AFF1: variants seen among roughly 807,000 people sequenced by gnomAD.
AFF1 encodes ALF transcription elongation factor 1, also known as AF4/FMR2 family member 1.
In AFF1, 48 loss-of-function variants were observed where a neutral mutation model predicts 121.7. The observed-to-expected ratio is 0.39, with a 90% CI of 0.31 to 0.50. The LOEUF is 0.50. Among genes scored for constraint, AFF1 ranks in the 20% least tolerant of loss-of-function variants. The pLI, the probability that AFF1 is intolerant of heterozygous loss-of-function variation, is 0.76. For synonymous variants in AFF1, 613 were observed against 563.0 expected, an observed-to-expected ratio of 1.09 and a Z score of -1.26; for missense variants, 1,523 against 1,511.7, an observed-to-expected ratio of 1.01 and a Z score of -0.12.
At chr4:86,944,544 C>T (rs1052140647) in intron 1 of AFF1, among the ~76,000 whole-genome samples, 1 of 152,130 alleles carries the variant, frequency 6.6e-6, no homozygotes, top group Non-Finnish European at 1.5e-5. Context: ...TGGGGTTTCA[C>T]CATGTTAACC....
At chr4:87,014,900 C>A (rs750832257) in intron 2 of AFF1, among the ~76,000 whole-genome samples, 5 of 152,152 alleles carry the variant, frequency 3.3e-5, no homozygotes, top group African/African-American at 1.2e-4. Flanking sequence ...AACTATGAAA[C>A]CTGTTTCCTC....
intron 2 of AFF1, among the ~76,000 whole-genome samples, chr4:86,989,814 G>A (rs1043526283): frequency 3.3e-5 from 5 of 152,060 alleles, no homozygotes; most frequent in South Asian, 2.1e-4. Flanking sequence ...AAGAAAATAC[G>A]GCACGTATAT....
At chr4:86,950,462 G>A in intron 2 of AFF1, among the ~76,000 whole-genome samples, 1 of 152,208 alleles carries the variant, frequency 6.6e-6, no homozygotes, top group East Asian at 1.9e-4. Flanking sequence ...GAGCCGCTGT[G>A]CCCAGCCATA....
At chr4:87,088,065 A>G (rs1011985714) in intron 5 of AFF1, among the ~76,000 whole-genome samples, 3 of 152,260 alleles carry the variant, frequency 2.0e-5, no homozygotes, top group Non-Finnish European at 4.4e-5. Context: ...GTACTCTTAC[A>G]ATACTTTGAA....
chr4:86,973,705 G>A (rs1003539262), intron 2 of AFF1: 1 of 151,886 alleles, frequency 6.6e-6, no homozygotes. Flanking sequence ...CAGAGTTAAC[G>A]TTTTCTTTCT....
intron 12 of AFF1, among the ~76,000 whole-genome samples, chr4:87,118,388 A>G (rs920157308): frequency 6.6e-6 from 1 of 152,256 alleles, no homozygotes; most frequent in African/African-American, 2.4e-5. Context: ...GTAAATACGC[A>G]TGACCTCACG....
intron 4 of AFF1, among the ~76,000 whole-genome samples, chr4:87,063,001 A>G (rs1235387148): frequency 1.3e-5 from 2 of 152,200 alleles, no homozygotes; most frequent in Admixed American, 6.5e-5. Context: ...CGAGGCCGTT[A>G]TAAGACAAGA....
intron 2 of AFF1, among the ~76,000 whole-genome samples, chr4:86,967,616 A>T (rs2149475389): frequency 1.3e-5 from 2 of 152,308 alleles, no homozygotes; most frequent in African/African-American, 4.8e-5. Context: ...GGGAGAGCTG[A>T]AGAGAATCCA....
At chr4:87,039,301 G>A (rs1263883839) in intron 2 of AFF1, among the ~76,000 whole-genome samples, 3 of 152,310 alleles carry the variant, frequency 2.0e-5, no homozygotes, top group Non-Finnish European at 4.4e-5. Context: ...CCCCCAAGAA[G>A]CATTTGAAAA....
chr4:86,956,001 A>G (rs1195939539), intron 2 of AFF1, among the ~76,000 whole-genome samples: 1 of 152,250 alleles, frequency 6.6e-6, no homozygotes, highest in Non-Finnish European at 1.5e-5. Flanking sequence ...AAGTAAATCA[A>G]GGGCCAAACT....
At chr4:87,099,276 T>A (rs1398386551) in intron 8 of AFF1, among the ~76,000 whole-genome samples, 1 of 152,226 alleles carries the variant, frequency 6.6e-6, no homozygotes, top group Non-Finnish European at 1.5e-5. Flanking sequence ...ACATCCCTTA[T>A]TCACAGTTCT....
At position 86,949,819 on chromosome 4, in the gene AFF1, G is replaced by A. The variant is rs139732379; in HGVS notation, c.38+1248G>A. On this transcript the variant is annotated intron_variant, in intron 2 of 20. Coordinates refer to ENST00000395146, the MANE Select transcript of AFF1 (RefSeq NM_001166693.3). ...CTGGGAGACACTGCGTCATGATGGCGAAACCGATCCAGGACCCCACCTCGT... is the reference window on the plus strand; with the variant it reads ...CTGGGAGACACTGCGTCATGATGGCAAAACCGATCCAGGACCCCACCTCGT... 155 of 1,613,978 alleles carry A rather than the reference G, an allele frequency of 9.6e-5. No individual in the cohort carries two copies. The African/African-American group carries it at 1.5e-3, about 16-fold the overall frequency.
At chr4:87,020,672 G>A (rs180724844) in intron 2 of AFF1, 13 of 415,576 alleles carry the variant, frequency 3.1e-5, no homozygotes, top group Non-Finnish European at 3.9e-5. Flanking sequence ...TTTTAGTGGA[G>A]ACAGGGTTTC....
chr4:86,952,686 AC>A (rs1445927779), intron 2 of AFF1, among the ~76,000 whole-genome samples: 1 of 132,448 alleles, frequency 7.6e-6, no homozygotes, highest in Non-Finnish European at 1.6e-5. Context: ...CAAAAACACA[AC>A]TTTTTTTTTT....
chr4:86,971,466 T>G (rs551405786), intron 2 of AFF1, among the ~76,000 whole-genome samples: 8 of 152,356 alleles, frequency 5.3e-5, no homozygotes, highest in African/African-American at 1.9e-4. Context: ...CCCATACATT[T>G]GGTCCTTGTG....
At chr4:86,937,184 C>A (rs955804809) in intron 1 of AFF1, among the ~76,000 whole-genome samples, 12 of 152,200 alleles carry the variant, frequency 7.9e-5, no homozygotes, top group African/African-American at 2.9e-4. Flanking sequence ...TTCACTGTAA[C>A]AATTGAATTT....
chr4:87,020,290 G>C (rs1727764424), intron 2 of AFF1, among the ~76,000 whole-genome samples: 1 of 152,134 alleles, frequency 6.6e-6, no homozygotes, highest in Non-Finnish European at 1.5e-5. Context: ...TTGCTTTTAT[G>C]AATGTTTCAC....
chr4:87,040,736 A>G (rs1034746322), intron 2 of AFF1, among the ~76,000 whole-genome samples: 10 of 150,600 alleles, frequency 6.6e-5, no homozygotes, highest in African/African-American at 2.2e-4. Flanking sequence ...CACCCAGCTA[A>G]TTTTTTGTAT....
At chr4:87,107,001 A>T (rs1194373410) in intron 10 of AFF1, among the ~76,000 whole-genome samples, 1 of 152,198 alleles carries the variant, frequency 6.6e-6, no homozygotes, top group Non-Finnish European at 1.5e-5. Flanking sequence ...AAGGAAAAAG[A>T]AGAGACCAAG....
Sources: allele counts gnomAD v4.1 joint callset (sites outside exome capture counted in the v4.1 genomes callset), GRCh38; gene constraint gnomAD v4.1.1; transcripts MANE v1.5; gene names NCBI Gene and HGNC (gene_info 2026-07-23, HGNC 2026-07-21).